RIMKLB: variants seen among roughly 807,000 people sequenced by gnomAD.
RIMKLB encodes beta-citrylglutamate synthase B.
In RIMKLB, 7 loss-of-function variants were observed where a neutral mutation model predicts 32.0. That is an observed-to-expected ratio of 0.22 (90% CI 0.12 to 0.41). RIMKLB has a LOEUF of 0.41. Ranked by LOEUF, RIMKLB falls within the 10% of genes least tolerant of loss-of-function variation. The pLI is 1.00. For synonymous variants in RIMKLB, 172 were observed against 185.1 expected, an observed-to-expected ratio of 0.93 and a Z score of 0.57; for missense variants, 289 against 498.7, an observed-to-expected ratio of 0.58 and a Z score of 4.00.
intron 2 of RIMKLB, among the ~76,000 whole-genome samples, chr12:8,720,632 C>T (rs962178628): frequency 1.3e-5 from 2 of 152,154 alleles, no homozygotes; most frequent in Non-Finnish European, 2.9e-5. Flanking sequence ...ACCTCTGTCT[C>T]GGGTTCAAGC....
At chr12:8,768,961 C>T (rs1438456952) in intron 5 of RIMKLB, among the ~76,000 whole-genome samples, 8 of 152,036 alleles carry the variant, frequency 5.3e-5, no homozygotes, top group East Asian at 1.9e-4. Context: ...ATTCATTTTA[C>T]TTTTTGTTTT....
At chr12:8,736,741 C>T (rs745918985) in intron 2 of RIMKLB, among the ~76,000 whole-genome samples, 8 of 151,702 alleles carry the variant, frequency 5.3e-5, no homozygotes, top group African/African-American at 1.9e-4. Context: ...CTGCCTCAGC[C>T]TCCCAAAGTG....
chr12:8,760,865 C>T (rs1448102813), intron 5 of RIMKLB, among the ~76,000 whole-genome samples: 1 of 152,058 alleles, frequency 6.6e-6, no homozygotes, highest in Non-Finnish European at 1.5e-5. Context: ...GAGTAGATTG[C>T]AAAAATTTTC....
chr12:8,773,203 A>T, intron 5 of RIMKLB, 118 bp from the exon 6 acceptor site: 2 of 703,604 alleles, frequency 2.8e-6, no homozygotes, highest in South Asian at 1.8e-5. Context: ...TTTACACTAG[A>T]ATAACGCCTT....
At position 8,774,803 on chromosome 12, in the gene RIMKLB, A is replaced by G; in HGVS notation, c.*1019A>G. On this transcript the variant is annotated 3_prime_UTR_variant, in exon 6 of 6. Coordinates refer to ENST00000535829, the MANE Select transcript of RIMKLB (RefSeq NM_001297776.2). ...GCAAATCAAGAGCCTATGAGTTCTA[A>G]GTATAAAGCTGAAGTGATTTCGAAT... 1.0e-6 allele frequency: 1 copy of G among 985,660 alleles called. No individual in the cohort carries two copies. The highest frequency in any genetic ancestry group is 1.7e-5 in the African/African-American group (1 of 57,368). 61.1% of individuals were successfully genotyped at this position (985,660 alleles called of 1,614,324 possible). A position where few individuals can be genotyped will look rare whatever the true frequency, so the allele number is the denominator to read the frequency against.
chr12:8,750,130 A>AAACTATCAGTGGTTAATATT, intron 3 of RIMKLB, 38 bp downstream of exon 3: 1 of 1,281,392 alleles, frequency 7.8e-7, no homozygotes, highest in Non-Finnish European at 1.1e-6. Flanking sequence ...CTGAATATTA[A>AAACTATCAGTGGTTAATATT]CCACTGATAG....
Position 8,774,205 on chromosome 12 carries a change from T to G in RIMKLB, c.*421T>G. ...AGATTTGTCATCAGTGAGGAAAACA[T>G]CTGCATAAATTACAGGAATTTTTGT... On this transcript the variant is annotated 3_prime_UTR_variant, in exon 6 of 6. Transcript: ENST00000535829. The G allele has an allele frequency of 3.0e-6, 3 of 983,980 alleles. No individual in the cohort carries two copies. Among genetic ancestry groups the G allele is most frequent in the South Asian group, 4.6e-5 (1 of 21,746 alleles). 61.0% of individuals were successfully genotyped at this position (983,980 alleles called of 1,614,324 possible).
At chr12:8,701,474 G>A (rs988288489) in intron 1 of RIMKLB, among the ~76,000 whole-genome samples, 1 of 151,676 alleles carries the variant, frequency 6.6e-6, no homozygotes, top group Non-Finnish European at 1.5e-5. Context: ...AAAAGCCACA[G>A]AGCTAGCCAG....
downstream of RIMKLB, chr12:8,779,788 A>G (rs1252176048): frequency 6.6e-6 from 1 of 152,148 alleles, no homozygotes; most frequent in Non-Finnish European, 1.5e-5. Flanking sequence ...ATAGAAATGA[A>G]TCTCAGGATT....
chr12:8,680,521 C>T (rs779125142), upstream of RIMKLB, among the ~76,000 whole-genome samples: 6 of 152,208 alleles, frequency 3.9e-5, no homozygotes, highest in Non-Finnish European at 5.9e-5. Context: ...CAGTCACCCT[C>T]GGGGCTGCTC....
intron 2 of RIMKLB, among the ~76,000 whole-genome samples, chr12:8,741,437 TAAATC>T (rs1420929940): frequency 6.7e-6 from 1 of 148,708 alleles, no homozygotes; most frequent in African/African-American, 2.5e-5. Context: ...AAGGAAAAAA[TAAATC>T]AATAAAATAG....
rs568093950 is a variant in RIMKLB at position 8,753,322 on chromosome 12, C to T, written c.494-568C>T. The stretch of plus-strand genomic sequence containing the variant: ...TTGTTTGGAGCAATCACAAGCCCTC[C>T]TAGATTCAGCCAGAAGTGACATAGA... On this transcript the variant is annotated intron_variant, in intron 4 of 5. Coordinates refer to ENST00000535829, the MANE Select transcript of RIMKLB (RefSeq NM_001297776.2). 1.1e-3 allele frequency among the ~76,000 whole-genome samples: 166 copies of T among 152,190 alleles called. 1 individual carries two copies. The highest frequency in any genetic ancestry group is 1.8e-3 in the Admixed American group (27 of 15,292).
At chr12:8,694,621 T>C (rs758205090), upstream of RIMKLB, among the ~76,000 whole-genome samples, 3 of 152,106 alleles carry the variant, frequency 2.0e-5, no homozygotes, top group Non-Finnish European at 4.4e-5. Flanking sequence ...CTCGAACTCC[T>C]GACCTCAGGT....
At chr12:8,751,907 A>G (rs1413873113) in intron 3 of RIMKLB, 50 bp from the exon 4 acceptor site, 1 of 1,210,596 alleles carries the variant, frequency 8.3e-7, no homozygotes, top group African/African-American at 1.5e-5. Flanking sequence ...AATTGATCAC[A>G]AAATACTTCT....
At chr12:8,735,444 G>C (rs1249207434) in intron 2 of RIMKLB, among the ~76,000 whole-genome samples, 1 of 152,108 alleles carries the variant, frequency 6.6e-6, no homozygotes, top group Non-Finnish European at 1.5e-5. Context: ...TGGCCAGGCT[G>C]GTGTCGAACT....
intron 2 of RIMKLB, among the ~76,000 whole-genome samples, chr12:8,744,107 A>G (rs1947851131): frequency 2.0e-5 from 3 of 151,978 alleles, no homozygotes. Context: ...TTTTATATCC[A>G]TTTATAAGCT....
At chr12:8,746,598 CAAA>C (rs1185862870) in intron 2 of RIMKLB, among the ~76,000 whole-genome samples, 4 of 54,932 alleles carry the variant, frequency 7.3e-5, no homozygotes, top group Non-Finnish European at 7.5e-5. Context: ...GACTCTGTCT[CAAA>C]AAAAAAAAAA....
rs755357225 is a variant in RIMKLB at position 8,698,241 on chromosome 12, C to T, written c.-113C>T. ...AGCCGCCCGGCGGCCCGCGCTTCCT[C>T]GAAGGCCCCAGCCCGGCTCAGTCGG... On this transcript the variant is annotated 5_prime_UTR_variant, in exon 1 of 6. Transcript: ENST00000535829. The T allele has an allele frequency of 1.3e-5, 5 of 375,950 alleles. No individual in the cohort carries two copies. Among genetic ancestry groups the T allele is most frequent in the African/African-American group, 4.4e-5 (2 of 45,216 alleles). The allele number at this position is 375,950 out of a possible 1,614,324, so 23.3% of individuals were successfully genotyped here.
At chr12:8,745,804 C>T (rs1264829205) in intron 2 of RIMKLB, among the ~76,000 whole-genome samples, 2 of 149,918 alleles carry the variant, frequency 1.3e-5, no homozygotes, top group Non-Finnish European at 3.0e-5. Flanking sequence ...AAGTGATTCT[C>T]CTGCCTCCGC....
Sources: allele counts gnomAD v4.1 joint callset (sites outside exome capture counted in the v4.1 genomes callset), GRCh38; gene constraint gnomAD v4.1.1; transcripts MANE v1.5; gene names NCBI Gene and HGNC (gene_info 2026-07-23, HGNC 2026-07-21).